The following OPCML variants were observed in gnomAD, a reference collection of about 807,000 sequenced individuals.
The protein encoded by OPCML is opioid binding protein/cell adhesion molecule like, also known as opioid-binding protein/cell adhesion molecule.
In OPCML, 13 loss-of-function variants were observed where a neutral mutation model predicts 37.8. The observed-to-expected ratio is 0.34, with a 90% CI of 0.22 to 0.55. OPCML has a LOEUF of 0.55. Among genes scored for constraint, OPCML ranks in the 20% least tolerant of loss-of-function variants. The pLI, the probability that OPCML is intolerant of heterozygous loss-of-function variation, is 0.91. For missense variants in OPCML, 341 were observed against 435.6 expected (o/e 0.78, Z 1.93); for synonymous variants, 176 against 168.8 (o/e 1.04, Z -0.33).
intron 1 of OPCML, among the ~76,000 whole-genome samples, chr11:133,304,597 C>T (rs576703760): frequency 2.2e-4 from 33 of 152,284 alleles, no homozygotes; most frequent in African/African-American, 7.5e-4. Context: ...GTTACAGACA[C>T]GAGCCCCTGC....
chr11:133,161,898 C>T (rs1236382940), intron 1 of OPCML, among the ~76,000 whole-genome samples: 1 of 151,802 alleles, frequency 6.6e-6, no homozygotes, highest in Admixed American at 6.6e-5. Context: ...CAGCACAGTG[C>T]CTGCCTCCCG....
intron 3 of OPCML, among the ~76,000 whole-genome samples, chr11:132,574,247 T>G (rs1258301520): frequency 6.6e-6 from 1 of 150,552 alleles, no homozygotes; most frequent in Non-Finnish European, 1.5e-5. Flanking sequence ...TCTTTGTGTT[T>G]TTTTTTTTTT....
chr11:132,815,202 A>C (rs1047707197), intron 2 of OPCML, among the ~76,000 whole-genome samples: 1 of 152,070 alleles, frequency 6.6e-6, no homozygotes, highest in Non-Finnish European at 1.5e-5. Context: ...CCTTTCTAAA[A>C]CGTCTATCGG....
chr11:133,518,096 G>C (rs1237640251), intron 1 of OPCML, among the ~76,000 whole-genome samples: 1 of 152,100 alleles, frequency 6.6e-6, no homozygotes, highest in Non-Finnish European at 1.5e-5. Context: ...GAGGAGTGTG[G>C]TGTGCATATG....
intron 1 of OPCML, among the ~76,000 whole-genome samples, chr11:133,054,418 T>A (rs184426532): frequency 4.0e-4 from 61 of 152,324 alleles, no homozygotes; most frequent in Non-Finnish European, 7.2e-4. Context: ...ACACTCAGTG[T>A]GCACCAGGAG....
chr11:132,809,936 G>A (rs12799876), intron 2 of OPCML, among the ~76,000 whole-genome samples: 1 of 152,192 alleles, frequency 6.6e-6, no homozygotes, highest in East Asian at 1.9e-4. Flanking sequence ...TGCAGGCTCC[G>A]CCTCCCGGGT....
chr11:132,459,689 C>T (rs1396799939), intron 4 of OPCML, among the ~76,000 whole-genome samples: 4 of 151,608 alleles, frequency 2.6e-5, no homozygotes, highest in Admixed American at 2.0e-4. Flanking sequence ...GATCTTTATT[C>T]ACTGCGATAT....
chr11:133,329,752 C>T (rs1166481952), intron 1 of OPCML, among the ~76,000 whole-genome samples: 1 of 152,150 alleles, frequency 6.6e-6, no homozygotes, highest in Admixed American at 6.5e-5. Context: ...AAAACCTAGG[C>T]AATACCATTC....
intron 1 of OPCML, among the ~76,000 whole-genome samples, chr11:133,239,612 A>C (rs1016081375): frequency 1.3e-5 from 2 of 152,222 alleles, no homozygotes; most frequent in African/African-American, 4.8e-5. Flanking sequence ...CTGCCAAGTG[A>C]GAAAGACCAA....
chr11:132,840,989 T>C (rs1941262305), intron 2 of OPCML, among the ~76,000 whole-genome samples: 1 of 152,084 alleles, frequency 6.6e-6, no homozygotes, highest in Non-Finnish European at 1.5e-5. Flanking sequence ...TGTGTGATCT[T>C]AGGGATGTTC....
intron 2 of OPCML, among the ~76,000 whole-genome samples, chr11:132,925,738 C>A (rs996747132): frequency 6.6e-6 from 1 of 152,008 alleles, no homozygotes; most frequent in African/African-American, 2.4e-5. Context: ...AAGGTAGTGG[C>A]CTTATCCTAT....
chr11:133,365,973 A>C (rs1944531721), intron 1 of OPCML: 1 of 152,224 alleles, frequency 6.6e-6, no homozygotes, highest in African/African-American at 2.4e-5. Flanking sequence ...GGGATGGGGC[A>C]CCTGCTGCCC....
chr11:133,400,935 A>T (rs933116716), intron 1 of OPCML, among the ~76,000 whole-genome samples: 1 of 152,208 alleles, frequency 6.6e-6, no homozygotes, highest in Non-Finnish European at 1.5e-5. Context: ...CCCTTGTGGG[A>T]CACTGCAACC....
intron 2 of OPCML, among the ~76,000 whole-genome samples, chr11:132,757,914 G>GT (rs1478138011): frequency 6.6e-6 from 1 of 152,032 alleles, no homozygotes; most frequent in Non-Finnish European, 1.5e-5. Flanking sequence ...TTTCTTCTAG[G>GT]TTTTTTTATG....
At chr11:133,477,367 G>A (rs916603364) in intron 1 of OPCML, among the ~76,000 whole-genome samples, 8 of 152,084 alleles carry the variant, frequency 5.3e-5, no homozygotes, top group East Asian at 1.9e-4. Context: ...CTTTCAACAC[G>A]GTGAATGCCC....
chr11:133,204,242 A>G (rs1487245818), intron 1 of OPCML, among the ~76,000 whole-genome samples: 5 of 152,176 alleles, frequency 3.3e-5, no homozygotes, highest in African/African-American at 1.2e-4. Flanking sequence ...TTAAAAGAAA[A>G]CCAATAAACT....
At position 133,515,832 on chromosome 11, in the gene OPCML, G is replaced by C. The variant is rs558362624; in HGVS notation, c.61+16432C>G. On this transcript the variant is annotated intron_variant, in intron 1 of 7. Coordinates refer to ENST00000524381, the MANE Select transcript of OPCML (RefSeq NM_001012393.5). The stretch of plus-strand genomic sequence containing the variant: ...CCAAGGGCTGGGGCTCCTGGATTCT[G>C]CCAAGAAGAGGAAAAAAAAAAAAAA... Among the ~76,000 whole-genome samples, 6 of 145,632 alleles carry C rather than the reference G, an allele frequency of 4.1e-5. No homozygotes were observed. In the South Asian group the frequency reaches 1.3e-3, roughly 31 times the overall value.
At chr11:133,015,860 C>T (rs774312734) in intron 1 of OPCML, among the ~76,000 whole-genome samples, 1 of 152,166 alleles carries the variant, frequency 6.6e-6, no homozygotes, top group African/African-American at 2.4e-5. Context: ...TCCTCCCCAT[C>T]CCTAACAAAT....
intron 3 of OPCML, among the ~76,000 whole-genome samples, chr11:132,641,948 T>C (rs939549848): frequency 2.6e-5 from 4 of 152,192 alleles, no homozygotes; most frequent in East Asian, 1.9e-4. Context: ...GTGATGGAGA[T>C]GTGTGTACCA....
Sources: gnomAD v4.1 joint callset for allele counts (sites outside exome capture counted in the v4.1 genomes callset) on GRCh38, gnomAD v4.1.1 for gene constraint, MANE v1.5 for transcripts, NCBI Gene and HGNC (gene_info 2026-07-23, HGNC 2026-07-21) for gene names.